The following RXFP2 variants were observed in gnomAD, a reference collection of about 807,000 sequenced individuals.
RXFP2 encodes the protein relaxin receptor 2.
A neutral mutation model predicts 88.6 loss-of-function variants in RXFP2; 68 were observed. That is an observed-to-expected ratio of 0.77 (90% CI 0.63 to 0.94). The LOEUF is 0.94. RXFP2 is among the 40% of genes least tolerant of loss of function. The pLI is 0.00. For missense variants in RXFP2, 791 were observed against 893.9 expected (o/e 0.88, Z 1.47); for synonymous variants, 329 against 306.8 (o/e 1.07, Z -0.76).
Position 31,777,824 on chromosome 13 carries a change from A to G in RXFP2, c.713+377A>G, listed in dbSNP as rs1299731503. On this transcript the variant is annotated intron_variant, in intron 8 of 17. Coordinates refer to ENST00000298386, the MANE Select transcript of RXFP2 (RefSeq NM_130806.5). Reference sequence around the variant, plus strand: ...TCCAACTCCATTTTTAATGGAAGAAAATGTGCCTTTGCCCAGCAAGACTCA... The same window carrying G: ...TCCAACTCCATTTTTAATGGAAGAAGATGTGCCTTTGCCCAGCAAGACTCA... Among the ~76,000 whole-genome samples the G allele has an allele frequency of 2.6e-5, 4 of 152,182 alleles. No individual in the cohort carries two copies. In the East Asian group the frequency reaches 7.7e-4, roughly 29 times the overall value.
rs1259835431 is a variant in RXFP2, at chr13:31,792,703, C to T, written c.1401C>T (p.Tyr467=). 1 of 1,613,996 alleles carries T rather than the reference C, an allele frequency of 6.2e-7. No individual in the cohort carries two copies. The highest frequency in any genetic ancestry group is 1.3e-5 in the African/African-American group (1 of 74,910). ...LCCADCLMGV[Y]LFFVGIFDIK... ...GTGCTGATTGCCTGATGGGTGTTTACTTGTTCTTTGTTGGCATTTTCGATA... is the reference window on the plus strand; with the variant it reads ...GTGCTGATTGCCTGATGGGTGTTTATTTGTTCTTTGTTGGCATTTTCGATA... The change falls in exon 16 of 18, where the codon TAC becomes TAT. Residue 467 remains tyrosine, a synonymous_variant. Transcript: ENST00000298386.
chr13:31,749,925 A>T (rs60248911), intron 1 of RXFP2, among the ~76,000 whole-genome samples: 32,457 of 152,138 alleles, frequency 0.21, 3,627 homozygotes, highest in South Asian at 0.4. Context: ...AATAGTGGAC[A>T]TCATCAGTCT....
chr13:31,757,552 T>C (rs1024940222), intron 1 of RXFP2, among the ~76,000 whole-genome samples: 2 of 152,230 alleles, frequency 1.3e-5, no homozygotes, highest in African/African-American at 2.4e-5. Flanking sequence ...CTTTTGCAGG[T>C]ATATTTTTAT....
intron 9 of RXFP2, among the ~76,000 whole-genome samples, chr13:31,779,576 G>A (rs144046511): frequency 7.7e-4 from 117 of 152,024 alleles, no homozygotes; most frequent in Non-Finnish European, 1.3e-3. Context: ...TTTAATTTAC[G>A]TCGTACCTTC....
intron 5 of RXFP2, among the ~76,000 whole-genome samples, chr13:31,767,263 T>C (rs1180641987): frequency 6.6e-6 from 1 of 152,196 alleles, no homozygotes; most frequent in East Asian, 1.9e-4. Context: ...CAATCATACC[T>C]GGGCTTGATT....
At chr13:31,770,685 C>T (rs577764603) in intron 5 of RXFP2, among the ~76,000 whole-genome samples, 6 of 152,140 alleles carry the variant, frequency 3.9e-5, no homozygotes, top group African/African-American at 1.4e-4. Context: ...TTTATTGCCA[C>T]AGTATTCTCT....
chr13:31,781,087 G>A (rs995075267), intron 9 of RXFP2, among the ~76,000 whole-genome samples: 3 of 152,148 alleles, frequency 2.0e-5, no homozygotes, highest in Non-Finnish European at 4.4e-5. Flanking sequence ...GGATAACTTT[G>A]GCCTGAGATT....
chr13:31,750,782 C>T (rs529013187), intron 1 of RXFP2, among the ~76,000 whole-genome samples: 14 of 152,140 alleles, frequency 9.2e-5, no homozygotes, highest in Admixed American at 3.3e-4. Context: ...AGAATGTCAG[C>T]GGAGCAGCAA....
At chr13:31,772,923 C>A (rs914223142) in intron 5 of RXFP2, among the ~76,000 whole-genome samples, 2 of 152,152 alleles carry the variant, frequency 1.3e-5, no homozygotes, top group Non-Finnish European at 2.9e-5. Context: ...AATATACATT[C>A]CATTTTTGAA....
chr13:31,790,760 T>A (rs1377799452), intron 14 of RXFP2, among the ~76,000 whole-genome samples: 2 of 152,014 alleles, frequency 1.3e-5, no homozygotes, highest in African/African-American at 4.8e-5. Context: ...GTGGGGTGGA[T>A]GGAAGTTGGA....
At chr13:31,793,569 T>C (rs1385974196) in intron 16 of RXFP2, among the ~76,000 whole-genome samples, 1 of 152,192 alleles carries the variant, frequency 6.6e-6, no homozygotes, top group Non-Finnish European at 1.5e-5. Flanking sequence ...AAGTCAGCAA[T>C]GTAAGGGTGC....
At chr13:31,761,589 T>C (rs1238165274) in intron 2 of RXFP2, 135 bp from the exon 3 acceptor site, 2 of 656,696 alleles carry the variant, frequency 3.0e-6, no homozygotes, top group African/African-American at 1.8e-5. Context: ...TTTTCTCTCT[T>C]ACTATGTATT....
intron 1 of RXFP2, among the ~76,000 whole-genome samples, chr13:31,752,277 G>C (rs73459186): frequency 0.18 from 27,898 of 151,942 alleles, 2,634 homozygotes; most frequent in Middle Eastern, 0.31. Context: ...AATATTTTCT[G>C]CCCCCTCCCC....
At chr13:31,755,823 G>A (rs1408313007) in intron 1 of RXFP2, among the ~76,000 whole-genome samples, 1 of 152,202 alleles carries the variant, frequency 6.6e-6, no homozygotes, top group African/African-American at 2.4e-5. Context: ...CACTACTGCA[G>A]CAATAGCAGA....
At position 31,797,415 on chromosome 13, in the gene RXFP2, A is replaced by G; in HGVS notation, c.2001A>G (p.Ile667Met). 6.2e-7 allele frequency: 1 copy of G among 1,610,948 alleles called. No individual in the cohort carries two copies. The highest frequency in any genetic ancestry group is 8.5e-7 in the Non-Finnish European group (1 of 1,177,160). The change falls in exon 17 of 18, where the codon ATA becomes ATG. Residue 667 changes from isoleucine to methionine, a missense_variant. By Grantham distance (10) the Ile-to-Met change is conservative. Coordinates refer to ENST00000298386, the MANE Select transcript of RXFP2 (RefSeq NM_130806.5). The stretch of plus-strand genomic sequence containing the variant: ...TCCTTTCCCTCTTCCGGGTGGAAAT[A>G]CCAGGTCAGTCTCTTCTATCATTCC... ...VKILSLFRVE[I>M]PDTMTSWIVI...
chr13:31,799,219 C>CAAAA (rs66998436), intron 17 of RXFP2, among the ~76,000 whole-genome samples: 3 of 143,300 alleles, frequency 2.1e-5, no homozygotes, highest in African/African-American at 5.2e-5. Flanking sequence ...ACACTTTCTT[C>CAAAA]AAAAAAAAAA....
chr13:31,802,420 C>T lies in RXFP2; in HGVS notation c.*15C>T. ...CAGTTTCCTAGCAATCATTTTGGAT[C>T]ACTGGACTTTCAGTGGACTACCTAA... On this transcript the variant is annotated 3_prime_UTR_variant, in exon 18 of 18. Transcript: ENST00000298386. The T allele has an allele frequency of 6.2e-7, 1 of 1,612,906 alleles. No homozygotes were observed. Among genetic ancestry groups the T allele is most frequent in the Non-Finnish European group, 8.5e-7 (1 of 1,179,670 alleles).
intron 13 of RXFP2, 82 bp downstream of exon 13, chr13:31,786,719 G>T: frequency 1.2e-6 from 1 of 833,752 alleles, no homozygotes; most frequent in Non-Finnish European, 2.0e-6. Context: ...TGGGTATTTT[G>T]CACACAGGAG....
intron 17 of RXFP2, among the ~76,000 whole-genome samples, chr13:31,801,592 T>C (rs1226894700): frequency 1.3e-5 from 2 of 152,186 alleles, no homozygotes; most frequent in Admixed American, 1.3e-4. Context: ...CTGAATATTC[T>C]ATTAGCATTT....
Sources: gnomAD v4.1 joint callset for allele counts (sites outside exome capture counted in the v4.1 genomes callset) on GRCh38, gnomAD v4.1.1 for gene constraint, MANE v1.5 for transcripts, NCBI Gene and HGNC (gene_info 2026-07-23, HGNC 2026-07-21) for gene names.